Variants in SLC20A2 observed in about 807,000 individuals in gnomAD.
SLC20A2 encodes sodium-dependent phosphate transporter 2.
A neutral mutation model predicts 61.0 loss-of-function variants in SLC20A2; 30 were observed. The observed-to-expected ratio is 0.49, with a 90% CI of 0.37 to 0.67. The LOEUF is 0.67. SLC20A2 is among the 30% of genes least tolerant of loss of function. SLC20A2 has a pLI of 0.00. For synonymous variants in SLC20A2, 351 were observed against 353.3 expected, an observed-to-expected ratio of 0.99 and a Z score of 0.07; for missense variants, 626 against 866.4, an observed-to-expected ratio of 0.72 and a Z score of 3.48.
intron 1 of SLC20A2, among the ~76,000 whole-genome samples, chr8:42,498,051 T>C (rs1393941738): frequency 6.6e-6 from 1 of 152,202 alleles, no homozygotes; most frequent in African/African-American, 2.4e-5. Flanking sequence ...AAGTAACTTG[T>C]TGAATTGCAA....
chr8:42,417,806 C>G lies in SLC20A2; in HGVS notation c.1956G>C (p.Val652=). 1.2e-6 allele frequency: 2 copies of G among 1,613,914 alleles called. No individual in the cohort carries two copies. Among genetic ancestry groups the G allele is most frequent in the Non-Finnish European group, 1.7e-6 (2 of 1,179,860 alleles). The part of the protein sequence containing the change: ...ALLMYGILPY[V] ...TTTGCAGCTGGAAGAAGACAAATCA[C>G]ACATATGGAAGGATCCCATACATGA... The change falls in exon 11 of 11, where the codon GTG becomes GTC. Residue 652 remains valine, a synonymous_variant. Coordinates refer to ENST00000520262, the MANE Select transcript of SLC20A2 (RefSeq NM_001257180.2).
At chr8:42,435,579 C>G (rs1804185563) in intron 8 of SLC20A2, among the ~76,000 whole-genome samples, 1 of 152,146 alleles carries the variant, frequency 6.6e-6, no homozygotes, top group Admixed American at 6.5e-5. Flanking sequence ...GCTCTCAGGC[C>G]CCAGGAGGCC....
intron 1 of SLC20A2, among the ~76,000 whole-genome samples, chr8:42,528,668 A>T (rs1330340188): frequency 2.0e-5 from 3 of 151,592 alleles, no homozygotes; most frequent in African/African-American, 7.3e-5. Context: ...GTCCTATTTT[A>T]TTTTTTTAAT....
At chr8:42,502,268 C>T (rs985720681), upstream of SLC20A2, 4 of 152,026 alleles carry the variant, frequency 2.6e-5, no homozygotes, top group African/African-American at 4.8e-5. Flanking sequence ...TAACATCTTC[C>T]GTATTAACCA....
chr8:42,449,601 T>A (rs1441793620), intron 5 of SLC20A2, among the ~76,000 whole-genome samples: 1 of 152,252 alleles, frequency 6.6e-6, no homozygotes, highest in Non-Finnish European at 1.5e-5. Flanking sequence ...TTTCCTTATA[T>A]CATGACCCAT....
At chr8:42,510,786 A>G (rs554328163) in intron 1 of SLC20A2, among the ~76,000 whole-genome samples, 5 of 152,048 alleles carry the variant, frequency 3.3e-5, no homozygotes, top group Non-Finnish European at 7.4e-5. Flanking sequence ...GGATCCATCT[A>G]CCTTCTAGGA....
rs117576123 is a variant in SLC20A2 at position 42,448,631 on chromosome 8, T to A, written c.614-3869A>T. On this transcript the variant is annotated intron_variant, in intron 5 of 10. Transcript: ENST00000520262. ...GTGGCCTGGGATACAGCCAGAAAAC[T>A]CTGAAATCACCTCCCAGTCATGAGA... 2.6e-3 allele frequency among the ~76,000 whole-genome samples: 403 copies of A among 152,116 alleles called. 21 individuals are homozygous for A. In the East Asian group the frequency reaches 0.071, roughly 27 times the overall value.
chr8:42,438,068 A>AC (rs1416864562), intron 7 of SLC20A2, among the ~76,000 whole-genome samples: 13 of 147,166 alleles, frequency 8.8e-5, no homozygotes, highest in East Asian at 8.5e-4. Context: ...AAAACCAAAA[A>AC]AAAAAAAAAA....
intron 6 of SLC20A2, among the ~76,000 whole-genome samples, chr8:42,441,549 A>G (rs2131034442): frequency 6.6e-6 from 1 of 150,612 alleles, no homozygotes; most frequent in African/African-American, 2.5e-5. Context: ...GATCACTGCA[A>G]CCTCTGACTC....
At chr8:42,479,602 C>T (rs933245364) in intron 1 of SLC20A2, among the ~76,000 whole-genome samples, 9 of 151,998 alleles carry the variant, frequency 5.9e-5, no homozygotes, top group African/African-American at 1.7e-4. Flanking sequence ...GAGGTGGGAC[C>T]ATCACTTGAG....
chr8:42,475,216 C>T (rs530955714), intron 1 of SLC20A2, among the ~76,000 whole-genome samples: 2 of 152,216 alleles, frequency 1.3e-5, no homozygotes, highest in African/African-American at 2.4e-5. Context: ...CCTCCTGCCT[C>T]AGCCTCCTCA....
At chr8:42,482,791 C>T (rs10110700) in intron 1 of SLC20A2, among the ~76,000 whole-genome samples, 4,378 of 152,052 alleles carry the variant, frequency 0.029, 200 homozygotes, top group African/African-American at 0.095. Flanking sequence ...TTTGGGAGCC[C>T]AAGGCAGGTG....
chr8:42,417,975 A>G lies in SLC20A2; in HGVS notation c.1795-8T>C, dbSNP rs765466084. ...GGCCACCACCGAGCCCACCTGTGGG[A>G]GCAGACATTGCAAAGTAAAAACAGG... On this transcript the variant is annotated splice_region_variant and splice_polypyrimidine_tract_variant and intron_variant, in intron 10 of 10. Coordinates refer to ENST00000520262, the MANE Select transcript of SLC20A2 (RefSeq NM_001257180.2). 34 of 1,611,332 alleles carry G rather than the reference A, an allele frequency of 2.1e-5. No individual in the cohort carries two copies. Among genetic ancestry groups the G allele is most frequent in the Non-Finnish European group, 2.8e-5 (33 of 1,179,008 alleles).
intron 10 of SLC20A2, among the ~76,000 whole-genome samples, chr8:42,428,491 G>A (rs933208640): frequency 6.6e-6 from 1 of 152,250 alleles, no homozygotes; most frequent in Admixed American, 6.5e-5. Flanking sequence ...GAAACAGTGG[G>A]AGGATAGCAG....
intron 1 of SLC20A2, chr8:42,484,754 G>A: frequency 2.9e-6 from 1 of 349,700 alleles, no homozygotes; most frequent in Non-Finnish European, 5.6e-6. Flanking sequence ...GCCTGACTTG[G>A]GAGGGCAGCC....
chr8:42,504,475 G>C (rs56155390), upstream of SLC20A2, among the ~76,000 whole-genome samples: 49,470 of 151,804 alleles, frequency 0.33, 8,868 homozygotes, highest in East Asian at 0.4. Flanking sequence ...AAGACTAAAA[G>C]GAAGATAAAT....
chr8:42,433,921 G>A (rs1804048138), intron 8 of SLC20A2, among the ~76,000 whole-genome samples: 1 of 152,120 alleles, frequency 6.6e-6, no homozygotes, highest in Admixed American at 6.6e-5. Context: ...ATTTTTTGAG[G>A]AGCCTCCATC....
intron 1 of SLC20A2, among the ~76,000 whole-genome samples, chr8:42,475,220 C>T (rs889818691): frequency 1.5e-4 from 23 of 152,192 alleles, no homozygotes; most frequent in Middle Eastern, 3.4e-3. Context: ...CTGCCTCAGC[C>T]TCCTCAGTAG....
chr8:42,487,565 C>A (rs1050079309), intron 1 of SLC20A2, among the ~76,000 whole-genome samples: 1 of 152,160 alleles, frequency 6.6e-6, no homozygotes, highest in African/African-American at 2.4e-5. Context: ...GCCCACATTT[C>A]TCTGGCTCTG....
Sources: gnomAD v4.1 joint callset for allele counts (sites outside exome capture counted in the v4.1 genomes callset) on GRCh38, gnomAD v4.1.1 for gene constraint, MANE v1.5 for transcripts, NCBI Gene and HGNC (gene_info 2026-07-23, HGNC 2026-07-21) for gene names.